The following CMBL variants were observed in gnomAD, a reference collection of about 807,000 sequenced individuals.
CMBL encodes carboxymethylenebutenolidase homolog (Pseudomonas).
In CMBL, 17 loss-of-function variants were observed where a neutral mutation model predicts 28.7. The observed-to-expected ratio is 0.59, with a 90% CI of 0.41 to 0.89. The LOEUF is 0.89. CMBL is among the 40% of genes least tolerant of loss of function. CMBL has a pLI of 0.00. For synonymous variants in CMBL, 106 were observed against 101.6 expected, an observed-to-expected ratio of 1.04 and a Z score of -0.26; for missense variants, 310 against 298.5, an observed-to-expected ratio of 1.04 and a Z score of -0.28.
At chr5:10,301,503 GC>G (rs1746896780) in intron 1 of CMBL, among the ~76,000 whole-genome samples, 1 of 151,994 alleles carries the variant, frequency 6.6e-6, no homozygotes, top group African/African-American at 2.4e-5. Context: ...AGGGGTGGGG[GC>G]GCGTGGGGCA....
In CMBL at chr5:10,279,881, T is replaced by C. The variant is rs1006164799; in HGVS notation, c.*572A>G. The C allele has an allele frequency of 6.6e-6, 1 of 152,028 alleles. No individual in the cohort carries two copies. Among genetic ancestry groups the C allele is most frequent in the South Asian group, 2.1e-4 (1 of 4,818 alleles). 9.4% of individuals were successfully genotyped at this position (152,028 alleles called of 1,614,324 possible). ...TAATTAGGGTATTACTCTATCATTC[T>C]CTATCATTCAAATTCTCCAGGTACT... On this transcript the variant is annotated 3_prime_UTR_variant, in exon 6 of 6. Transcript: ENST00000296658.
At chr5:10,285,697 T>TC (rs1339174749) in intron 4 of CMBL, among the ~76,000 whole-genome samples, 5 of 53,058 alleles carry the variant, frequency 9.4e-5, no homozygotes, top group Non-Finnish European at 2.2e-4. Context: ...TCTCTTTCTT[T>TC]TTCTTTTTTT....
At chr5:10,305,421 G>C (rs889538626) in intron 1 of CMBL, among the ~76,000 whole-genome samples, 4 of 151,644 alleles carry the variant, frequency 2.6e-5, no homozygotes, top group African/African-American at 7.3e-5. Flanking sequence ...TAATTTTCCA[G>C]AGAGATTTGC....
chr5:10,281,666 G>C (rs568238447), intron 5 of CMBL, among the ~76,000 whole-genome samples: 79 of 152,258 alleles, frequency 5.2e-4, no homozygotes, highest in African/African-American at 1.9e-3. Context: ...TCTCCACCAG[G>C]TAACCAGGCC....
rs185947329 is a variant in CMBL at position 10,278,180 on chromosome 5, G to A, written c.*2273C>T. On this transcript the variant is annotated 3_prime_UTR_variant, in exon 6 of 6. Coordinates refer to ENST00000296658, the MANE Select transcript of CMBL (RefSeq NM_138809.4). ...ACTGAGGCTCAGGAAGCTCAAGTTT[G>A]GGAATTCTTTGAATTTTATGTTTCC... 2.0e-5 allele frequency among the ~76,000 whole-genome samples: 3 copies of A among 152,324 alleles called. No homozygotes were observed. The East Asian group carries it at 5.8e-4, about 29-fold the overall frequency.
intron 1 of CMBL, among the ~76,000 whole-genome samples, chr5:10,306,418 G>C (rs190324761): frequency 6.6e-6 from 1 of 152,266 alleles, no homozygotes; most frequent in African/African-American, 2.4e-5. Context: ...CAAAGTAGGG[G>C]AAGGGAAGGC....
intron 1 of CMBL, among the ~76,000 whole-genome samples, chr5:10,306,917 C>A (rs901019583): frequency 6.6e-6 from 1 of 152,120 alleles, no homozygotes; most frequent in Non-Finnish European, 1.5e-5. Context: ...CCCCGGATAC[C>A]GGCGAGGCTC....
rs2126550803 is a variant in CMBL, at chr5:10,291,370, A to G, written c.-19-589T>C. Among the ~76,000 whole-genome samples the G allele has an allele frequency of 1.3e-5, 2 of 152,300 alleles. 1 individual carries two copies. Among genetic ancestry groups the G allele is most frequent in the Middle Eastern group, 6.8e-3 (2 of 294 alleles). On this transcript the variant is annotated intron_variant, in intron 1 of 5. Transcript: ENST00000296658. ...GATTCTGAGTGGAAGGGAAAAAAGA[A>G]AGCAATCCTCGGCCGGGCGCGGTGG...
chr5:10,297,587 A>G (rs1051199054), intron 1 of CMBL, among the ~76,000 whole-genome samples: 6 of 151,622 alleles, frequency 4.0e-5, no homozygotes, highest in African/African-American at 9.7e-5. Flanking sequence ...AAAAAAAAAA[A>G]GAGCAAAGAG....
At chr5:10,297,014 G>A (rs767919416) in intron 1 of CMBL, among the ~76,000 whole-genome samples, 3 of 152,022 alleles carry the variant, frequency 2.0e-5, no homozygotes, top group Non-Finnish European at 4.4e-5. Flanking sequence ...GTAAAAACCC[G>A]TCTCTACTAA....
At position 10,299,387 on chromosome 5, in the gene CMBL, T is replaced by C. The variant is rs558793360; in HGVS notation, c.-20+8238A>G. On this transcript the variant is annotated intron_variant, in intron 1 of 5. Coordinates refer to ENST00000296658, the MANE Select transcript of CMBL (RefSeq NM_138809.4). ...GAAATACTATTTTCCATCTTGCAGA[T>C]TGGCAAAAGTCTGTTAACACAGAGA... Among the ~76,000 whole-genome samples the C allele has an allele frequency of 2.7e-4, 41 of 152,260 alleles. 1 individual carries two copies. In the South Asian group the frequency reaches 7.7e-3, roughly 28 times the overall value.
intron 1 of CMBL, among the ~76,000 whole-genome samples, chr5:10,299,356 A>G (rs1746856319): frequency 6.6e-6 from 1 of 152,240 alleles, no homozygotes; most frequent in Non-Finnish European, 1.5e-5. Flanking sequence ...TAATAAAAAC[A>G]AGAATGAAAT....
At chr5:10,304,845 AG>A (rs1746969062) in intron 1 of CMBL, among the ~76,000 whole-genome samples, 1 of 152,118 alleles carries the variant, frequency 6.6e-6, no homozygotes, top group Non-Finnish European at 1.5e-5. Flanking sequence ...TAGAATTTAC[AG>A]ATCTATCAGA....
rs1254703991 is a variant in CMBL at position 10,277,952 on chromosome 5, C to T, written c.*2501G>A. ...CCACATGCTCACCGACACCGTTCCA[C>T]GGCAAAAGCCCAGCACATCTCAGGG... On this transcript the variant is annotated 3_prime_UTR_variant, in exon 6 of 6. Transcript: ENST00000296658. Among the ~76,000 whole-genome samples, 8 of 152,222 alleles carry T rather than the reference C, an allele frequency of 5.3e-5. No individual in the cohort carries two copies. Among genetic ancestry groups the T allele is most frequent in the Admixed American group, 3.3e-4 (5 of 15,284 alleles).
intron 1 of CMBL, among the ~76,000 whole-genome samples, chr5:10,303,507 T>C (rs1203663317): frequency 6.6e-6 from 1 of 152,182 alleles, no homozygotes; most frequent in African/African-American, 2.4e-5. Flanking sequence ...ACATTGAGGA[T>C]TGTACTCTAC....
In CMBL at chr5:10,280,193, C is replaced by T. The variant is rs918106864; in HGVS notation, c.*260G>A. On this transcript the variant is annotated 3_prime_UTR_variant, in exon 6 of 6. Coordinates refer to ENST00000296658, the MANE Select transcript of CMBL (RefSeq NM_138809.4). ...ACCTCAGGTGATCCACCCACTTTGG[C>T]CTCCCAAAGTGCTGGAATTACAGGC... The T allele has an allele frequency of 3.7e-6, 1 of 273,726 alleles. No homozygotes were observed. The highest frequency in any genetic ancestry group is 6.9e-6 in the Non-Finnish European group (1 of 145,076). The allele number at this position is 273,726 out of a possible 1,614,324, so 17.0% of individuals were successfully genotyped here.
chr5:10,277,989 G>C lies in CMBL; in HGVS notation c.*2464C>G, dbSNP rs1447869037. ...AGCACATCTCAGGGGTTTCCTGGGA[G>C]GCCGGATGAATGTGTGAGGCCTCCT... is the stretch of plus-strand genomic sequence containing the variant. On this transcript the variant is annotated 3_prime_UTR_variant, in exon 6 of 6. Transcript: ENST00000296658. 2.6e-5 allele frequency among the ~76,000 whole-genome samples: 4 copies of C among 152,258 alleles called. No individual in the cohort carries two copies. The highest frequency in any genetic ancestry group is 6.5e-5 in the Admixed American group (1 of 15,288).
At chr5:10,303,165 T>C (rs1282623193) in intron 1 of CMBL, among the ~76,000 whole-genome samples, 2 of 152,218 alleles carry the variant, frequency 1.3e-5, no homozygotes, top group Non-Finnish European at 2.9e-5. Flanking sequence ...CCCTGTGACC[T>C]GTAAGCTACC....
At chr5:10,301,916 C>G (rs1746907304) in intron 1 of CMBL, among the ~76,000 whole-genome samples, 1 of 152,142 alleles carries the variant, frequency 6.6e-6, no homozygotes, top group Admixed American at 6.5e-5. Flanking sequence ...TCCAGGAAGC[C>G]TCTAATCTGA....
Sources: allele counts gnomAD v4.1 joint callset (sites outside exome capture counted in the v4.1 genomes callset), GRCh38; gene constraint gnomAD v4.1.1; transcripts MANE v1.5; gene names NCBI Gene and HGNC (gene_info 2026-07-23, HGNC 2026-07-21).